CTNND2: variants seen among roughly 807,000 people sequenced by gnomAD.
CTNND2 encodes the protein catenin delta-2.
CTNND2 carries 22 observed loss-of-function variants against 144.4 expected under a neutral mutation model. That is an observed-to-expected ratio of 0.15 (90% CI 0.11 to 0.22). The LOEUF is 0.22. CTNND2 is among the 10% of genes least tolerant of loss of function. The pLI is 1.00. For synonymous variants in CTNND2, 751 were observed against 695.6 expected (o/e 1.08, Z -1.25); for missense variants, 1,353 against 1,618.8 (o/e 0.84, Z 2.82).
chr5:11,658,220 T>A (rs1310626411), intron 2 of CTNND2, among the ~76,000 whole-genome samples: 1 of 152,026 alleles, frequency 6.6e-6, no homozygotes, highest in Non-Finnish European at 1.5e-5. Flanking sequence ...TAAAAAAAAA[T>A]TCTTGAAAAT....
chr5:11,177,459 T>C (rs1396059181), intron 11 of CTNND2, among the ~76,000 whole-genome samples: 2 of 152,168 alleles, frequency 1.3e-5, no homozygotes, highest in African/African-American at 4.8e-5. Flanking sequence ...TAAAAAATTA[T>C]TGGCCTATAC....
chr5:11,745,301 G>A lies in CTNND2; in HGVS notation c.38-13029C>T, dbSNP rs537986939. ...ATTCTCAGGAGTCTTCTTTAGATGC[G>A]CCCTTCGTGGGATACTATATTATTA... is the stretch of plus-strand genomic sequence containing the variant. On this transcript the variant is annotated intron_variant, in intron 1 of 21. Coordinates refer to ENST00000304623, the MANE Select transcript of CTNND2 (RefSeq NM_001332.4). Among the ~76,000 whole-genome samples the A allele has an allele frequency of 4.4e-4, 67 of 152,112 alleles. 2 individuals are homozygous for A. In the South Asian group the frequency reaches 0.013, roughly 29 times the overall value.
intron 3 of CTNND2, among the ~76,000 whole-genome samples, chr5:11,467,445 A>G (rs1412395173): frequency 6.6e-6 from 1 of 152,178 alleles, no homozygotes; most frequent in African/African-American, 2.4e-5. Flanking sequence ...AGGGTCCTGG[A>G]GATGAACGGT....
intron 18 of CTNND2, among the ~76,000 whole-genome samples, chr5:11,014,190 A>C (rs894302238): frequency 2.0e-5 from 3 of 152,086 alleles, no homozygotes; most frequent in African/African-American, 7.2e-5. Flanking sequence ...TGATTTCTAT[A>C]ATCTTTTAAT....
intron 1 of CTNND2, among the ~76,000 whole-genome samples, chr5:11,776,257 T>C (rs1175287522): frequency 6.6e-6 from 1 of 152,132 alleles, no homozygotes; most frequent in East Asian, 1.9e-4. Flanking sequence ...CAGAAAACAC[T>C]GGAAGCAGAG....
intron 11 of CTNND2, among the ~76,000 whole-genome samples, chr5:11,191,570 C>G (rs1304246938): frequency 6.6e-6 from 1 of 152,180 alleles, no homozygotes. Flanking sequence ...ATGGAGACAT[C>G]TGCGGGATGC....
At chr5:11,165,565 C>A (rs560879415) in intron 11 of CTNND2, among the ~76,000 whole-genome samples, 64 of 152,278 alleles carry the variant, frequency 4.2e-4, no homozygotes, top group African/African-American at 1.5e-3. Flanking sequence ...GTTTTATTAG[C>A]ATCTTTCTTT....
chr5:11,117,381 T>G, intron 13 of CTNND2, 69 bp downstream of exon 13: 1 of 1,175,578 alleles, frequency 8.5e-7, no homozygotes, highest in Non-Finnish European at 1.3e-6. Flanking sequence ...TCCAGGGTTG[T>G]TAGCTATTGT....
chr5:11,602,742 TTA>T (rs1362897563), intron 2 of CTNND2, among the ~76,000 whole-genome samples: 3 of 145,950 alleles, frequency 2.1e-5, no homozygotes, highest in Middle Eastern at 3.6e-3. Flanking sequence ...AATATAAATA[TTA>T]TATATAATAG....
intron 16 of CTNND2, among the ~76,000 whole-genome samples, chr5:11,056,072 G>A (rs1366553651): frequency 2.6e-5 from 4 of 152,198 alleles, no homozygotes; most frequent in Admixed American, 6.5e-5. Context: ...CCTGGATCAC[G>A]GAGATGGGGC....
intron 7 of CTNND2, among the ~76,000 whole-genome samples, chr5:11,380,453 C>T (rs966445335): frequency 6.6e-5 from 10 of 152,190 alleles, no homozygotes; most frequent in Admixed American, 3.9e-4. Flanking sequence ...ATGGTGACCC[C>T]TTTTATCAGG....
intron 1 of CTNND2, among the ~76,000 whole-genome samples, chr5:11,892,885 T>C (rs938306871): frequency 2.0e-5 from 3 of 152,212 alleles, no homozygotes; most frequent in African/African-American, 7.2e-5. Flanking sequence ...TCAAAATTCT[T>C]ATCCTCCCTT....
chr5:11,079,748 C>T (rs1011871723), intron 16 of CTNND2, among the ~76,000 whole-genome samples: 4 of 152,120 alleles, frequency 2.6e-5, no homozygotes, highest in African/African-American at 4.8e-5. Flanking sequence ...ATCTTGACCT[C>T]GCATTGAAAA....
intron 9 of CTNND2, among the ~76,000 whole-genome samples, chr5:11,316,571 A>G: frequency 6.6e-6 from 1 of 151,300 alleles, no homozygotes; most frequent in East Asian, 1.9e-4. Context: ...TACATGTGCC[A>G]TGTTGGTGTG....
intron 1 of CTNND2, among the ~76,000 whole-genome samples, chr5:11,893,050 C>A (rs541408228): frequency 6.6e-6 from 1 of 152,202 alleles, no homozygotes; most frequent in African/African-American, 2.4e-5. Context: ...GGCTCTGCAC[C>A]GCCTGCCATT....
At chr5:11,312,271 C>T (rs1478417619) in intron 9 of CTNND2, among the ~76,000 whole-genome samples, 2 of 151,344 alleles carry the variant, frequency 1.3e-5, no homozygotes, top group Non-Finnish European at 2.9e-5. Context: ...TCCTCTCCCC[C>T]TACCCCCCCA....
Position 11,798,418 on chromosome 5 carries a change from T to C in CTNND2, c.38-66146A>G, listed in dbSNP as rs572150149. Among the ~76,000 whole-genome samples, 3 of 152,324 alleles carry C rather than the reference T, an allele frequency of 2.0e-5. No homozygotes were observed. In the South Asian group the frequency reaches 6.2e-4, roughly 32 times the overall value. ...TTCTGGTAACCACTGATTATGCCAGTGTGCATGTGTGTGTATGAAGTGAGA... is the reference window on the plus strand; with the variant it reads ...TTCTGGTAACCACTGATTATGCCAGCGTGCATGTGTGTGTATGAAGTGAGA... On this transcript the variant is annotated intron_variant, in intron 1 of 21. Transcript: ENST00000304623.
At chr5:11,365,978 C>T (rs768029232) in intron 7 of CTNND2, among the ~76,000 whole-genome samples, 5 of 152,132 alleles carry the variant, frequency 3.3e-5, no homozygotes, top group Non-Finnish European at 5.9e-5. Context: ...ACAACTAATC[C>T]CCACATGGCG....
At chr5:11,574,542 C>A (rs1777826064) in intron 2 of CTNND2, among the ~76,000 whole-genome samples, 1 of 152,082 alleles carries the variant, frequency 6.6e-6, no homozygotes, top group East Asian at 1.9e-4. Flanking sequence ...AGAACTATAG[C>A]TCATCATTTC....
Sources: allele counts gnomAD v4.1 joint callset (sites outside exome capture counted in the v4.1 genomes callset), GRCh38; gene constraint gnomAD v4.1.1; transcripts MANE v1.5; gene names NCBI Gene and HGNC (gene_info 2026-07-23, HGNC 2026-07-21).